The following MGRN1 variants were observed in gnomAD, a reference collection of about 807,000 sequenced individuals.
MGRN1 encodes the protein mahogunin ring finger 1.
A neutral mutation model predicts 69.2 loss-of-function variants in MGRN1; 29 were observed. The ratio of observed to expected loss-of-function variants is 0.42; its 90% CI spans 0.31 to 0.57. The LOEUF is 0.57. MGRN1 is among the 20% of genes least tolerant of loss of function. MGRN1 has a pLI of 0.15. For synonymous variants in MGRN1, 470 were observed against 344.2 expected, an observed-to-expected ratio of 1.37 and a Z score of -4.04; for missense variants, 998 against 796.2, an observed-to-expected ratio of 1.25 and a Z score of -3.05.
intron 1 of MGRN1, chr16:4,634,277 G>T (rs1326884059): frequency 1.3e-5 from 2 of 152,596 alleles, no homozygotes; most frequent in Non-Finnish European, 2.9e-5. Flanking sequence ...ACAGGCCCTG[G>T]CCCTCGCCCA....
At chr16:4,660,197 G>A (rs984209894) in intron 5 of MGRN1, among the ~76,000 whole-genome samples, 34 of 152,358 alleles carry the variant, frequency 2.2e-4, no homozygotes, top group African/African-American at 7.0e-4. Context: ...GCCCACTTTC[G>A]TTCTGCCGCT....
At chr16:4,688,243 A>G (rs1037698316) in intron 16 of MGRN1, 2 of 985,642 alleles carry the variant, frequency 2.0e-6, no homozygotes, top group African/African-American at 1.7e-5. Context: ...GGGACGCCAG[A>G]CCCATCTGGG....
chr16:4,687,668 G>T, intron 16 of MGRN1: 1 of 985,382 alleles, frequency 1.0e-6, no homozygotes, highest in Non-Finnish European at 1.2e-6. Context: ...ACGGATTGGG[G>T]ACCCTCTGCC....
At chr16:4,643,477 C>T (rs1270965812) in intron 1 of MGRN1, among the ~76,000 whole-genome samples, 2 of 144,534 alleles carry the variant, frequency 1.4e-5, no homozygotes, top group Admixed American at 1.4e-4. Flanking sequence ...TCAAGGAATT[C>T]TCCTGCCTCA....
intron 5 of MGRN1, chr16:4,664,264 G>A (rs186849967): frequency 2.3e-3 from 552 of 238,576 alleles, no homozygotes; most frequent in Non-Finnish European, 3.2e-3. Context: ...AGACACAGAA[G>A]GTCACCTGTT....
intron 2 of MGRN1, among the ~76,000 whole-genome samples, chr16:4,651,587 G>C (rs924429230): frequency 1.7e-4 from 26 of 152,114 alleles, no homozygotes; most frequent in African/African-American, 5.3e-4. Flanking sequence ...GCGGGTTGCT[G>C]AGCTGTGCTC....
In MGRN1 at chr16:4,646,542, G is replaced by A. The variant is rs571569661; in HGVS notation, c.89-3823G>A. 1.5e-4 allele frequency among the ~76,000 whole-genome samples: 23 copies of A among 152,286 alleles called. 1 individual carries two copies. The South Asian group carries it at 4.8e-3, about 32-fold the overall frequency. On this transcript the variant is annotated intron_variant, in intron 1 of 16. Coordinates refer to ENST00000262370, the MANE Select transcript of MGRN1 (RefSeq NM_015246.4). ...GTGCTGGGTTTAGCGGGAGGCCTCA[G>A]GTCCTCCCCTCGGGACCTCTCCATG... is the stretch of plus-strand genomic sequence containing the variant.
At chr16:4,677,939 C>G (rs551162951) in intron 11 of MGRN1, among the ~76,000 whole-genome samples, 131 of 151,958 alleles carry the variant, frequency 8.6e-4, no homozygotes, top group African/African-American at 3.1e-3. Context: ...GCCTCGACCT[C>G]CCGCCTCAAG....
At chr16:4,630,333 C>A (rs376038648) in intron 1 of MGRN1, among the ~76,000 whole-genome samples, 1 of 145,426 alleles carries the variant, frequency 6.9e-6, no homozygotes. Flanking sequence ...CCAGCCTGAG[C>A]GACAGAGTGA....
In MGRN1 at chr16:4,688,987, C is replaced by T. The variant is rs996928353; in HGVS notation, c.*79C>T. 3.4e-6 allele frequency: 5 copies of T among 1,455,166 alleles called. No individual in the cohort carries two copies. In the African/African-American group the frequency reaches 5.7e-5, roughly 16 times the overall value. The allele number at this position is 1,455,166 out of a possible 1,614,324, so 90.1% of individuals were successfully genotyped here. On this transcript the variant is annotated 3_prime_UTR_variant, in exon 17 of 17. Coordinates refer to ENST00000262370, the MANE Select transcript of MGRN1 (RefSeq NM_015246.4). ...GGGCTGCTCCGGACCCCGTTGTGAG[C>T]CGGCCTCCTGTCTGCATGCCCCCTG...
At chr16:4,666,242 C>G (rs565880598) in intron 7 of MGRN1, among the ~76,000 whole-genome samples, 1 of 152,284 alleles carries the variant, frequency 6.6e-6, no homozygotes, top group Non-Finnish European at 1.5e-5. Flanking sequence ...GATCCTCCCA[C>G]TTCAGCCTCC....
At chr16:4,673,755 G>A in intron 10 of MGRN1, 98 bp downstream of exon 10, 2 of 1,419,020 alleles carry the variant, frequency 1.4e-6, no homozygotes, top group South Asian at 1.3e-5. Context: ...GTCCGTTGAT[G>A]GCTAAGAAAG....
At chr16:4,646,277 A>G (rs961282641) in intron 1 of MGRN1, among the ~76,000 whole-genome samples, 1 of 152,122 alleles carries the variant, frequency 6.6e-6, no homozygotes, top group South Asian at 2.1e-4. Context: ...CAAAAAATAA[A>G]CAAAAATGAG....
At chr16:4,677,212 G>A (rs1349070835) in intron 10 of MGRN1, 8 of 383,036 alleles carry the variant, frequency 2.1e-5, no homozygotes, top group Middle Eastern at 6.8e-4. Context: ...TCTGTCTCTC[G>A]TCTTTGGAGC....
At chr16:4,677,351 T>C (rs1596312012) in intron 10 of MGRN1, 112 bp from the exon 11 acceptor site, 1 of 623,338 alleles carries the variant, frequency 1.6e-6, no homozygotes, top group Non-Finnish European at 2.4e-6. Flanking sequence ...GGAAGCGGGG[T>C]CACCCCAGGA....
At chr16:4,686,577 G>T in intron 16 of MGRN1, 1 of 1,315,436 alleles carries the variant, frequency 7.6e-7, no homozygotes, top group Non-Finnish European at 9.7e-7. Context: ...AGCCTTGAGG[G>T]GCCCTGGAAC....
intron 16 of MGRN1, chr16:4,687,440 G>T: frequency 1.1e-6 from 1 of 912,284 alleles, no homozygotes; most frequent in Non-Finnish European, 1.3e-6. Flanking sequence ...AGCTACTCAG[G>T]GGTGCTGAGG....
At chr16:4,655,843 C>A (rs1029102075) in intron 4 of MGRN1, among the ~76,000 whole-genome samples, 1 of 152,246 alleles carries the variant, frequency 6.6e-6, no homozygotes, top group Non-Finnish European at 1.5e-5. Context: ...GAAACTGAGG[C>A]TCAGACAGAG....
At position 4,636,223 on chromosome 16, in the gene MGRN1, C is replaced by T. The variant is rs550097589; in HGVS notation, c.88+11175C>T. Among the ~76,000 whole-genome samples, 8 of 152,214 alleles carry T rather than the reference C, an allele frequency of 5.3e-5. 1 individual carries two copies. Among genetic ancestry groups the T allele is most frequent in the African/African-American group, 1.9e-4 (8 of 41,530 alleles). Reference sequence around the variant, plus strand: ...GCCCCCAGAGGCCCCCTATTGTCCCCTTCTGAACAACCTGCCTCCCCCTTC... The same window carrying T: ...GCCCCCAGAGGCCCCCTATTGTCCCTTTCTGAACAACCTGCCTCCCCCTTC... On this transcript the variant is annotated intron_variant, in intron 1 of 16. Coordinates refer to ENST00000262370, the MANE Select transcript of MGRN1 (RefSeq NM_015246.4).
Sources: allele counts gnomAD v4.1 joint callset (sites outside exome capture counted in the v4.1 genomes callset), GRCh38; gene constraint gnomAD v4.1.1; transcripts MANE v1.5; gene names NCBI Gene and HGNC (gene_info 2026-07-23, HGNC 2026-07-21).